The following FLVCR1 variants were observed in gnomAD, a reference collection of about 807,000 sequenced individuals.
The protein encoded by FLVCR1 is choline/ethanolamine transporter FLVCR1.
In FLVCR1, 34 loss-of-function variants were observed where a neutral mutation model predicts 53.6. The ratio of observed to expected loss-of-function variants is 0.63; its 90% CI spans 0.48 to 0.84. The LOEUF is 0.84. Among genes scored for constraint, FLVCR1 ranks in the 40% least tolerant of loss-of-function variants. FLVCR1 has a pLI of 0.00. For synonymous variants in FLVCR1, 300 were observed against 286.3 expected (o/e 1.05, Z -0.48); for missense variants, 677 against 696.7 (o/e 0.97, Z 0.32).
At chr1:212,891,813 G>C (rs971456416) in intron 8 of FLVCR1, among the ~76,000 whole-genome samples, 1 of 152,210 alleles carries the variant, frequency 6.6e-6, no homozygotes, top group Admixed American at 6.5e-5. Context: ...CCAAAAGCTA[G>C]TCCTTTTGCA....
chr1:212,890,479 A>G (rs1665164039), intron 8 of FLVCR1, among the ~76,000 whole-genome samples: 2 of 152,218 alleles, frequency 1.3e-5, no homozygotes, highest in Non-Finnish European at 2.9e-5. Context: ...AAAATTGCAA[A>G]AAATCTCATA....
At chr1:212,873,481 G>A (rs981638303) in intron 3 of FLVCR1, among the ~76,000 whole-genome samples, 1 of 152,194 alleles carries the variant, frequency 6.6e-6, no homozygotes, top group Non-Finnish European at 1.5e-5. Context: ...GTGCAAGCTG[G>A]CATCTGTTTT....
chr1:212,860,768 C>CT (rs1272392795), intron 1 of FLVCR1, among the ~76,000 whole-genome samples: 1 of 152,154 alleles, frequency 6.6e-6, no homozygotes, highest in Non-Finnish European at 1.5e-5. Context: ...ATTTATTACT[C>CT]TCCATAAAAC....
Position 212,858,291 on chromosome 1 carries a change from A to C in FLVCR1, c.-162A>C. ...CGGGGGAGGAGACCTTCATCTGTTC[A>C]CGCGGTAGCGCGGATTGCGGTTCGC... On this transcript the variant is annotated 5_prime_UTR_variant, in exon 1 of 10. Transcript: ENST00000366971. The C allele has an allele frequency of 2.9e-6, 2 of 697,730 alleles. No homozygotes were observed. Among genetic ancestry groups the C allele is most frequent in the South Asian group, 2.2e-5 (1 of 44,796 alleles). The allele number at this position is 697,730 out of a possible 1,614,324, so 43.2% of individuals were successfully genotyped here. A position where few individuals can be genotyped will look rare whatever the true frequency, so the allele number is the denominator to read the frequency against.
In FLVCR1 at chr1:212,896,831, A is replaced by G. The variant is rs546109631; in HGVS notation, c.*1541A>G. The G allele has an allele frequency of 7.6e-6, 1 of 130,916 alleles. No individual in the cohort carries two copies. Among genetic ancestry groups the G allele is most frequent in the South Asian group, 2.6e-4 (1 of 3,816 alleles). The allele number at this position is 130,916 out of a possible 1,614,324, so 8.1% of individuals were successfully genotyped here. On this transcript the variant is annotated 3_prime_UTR_variant, in exon 10 of 10. Coordinates refer to ENST00000366971, the MANE Select transcript of FLVCR1 (RefSeq NM_014053.4). Reference sequence around the variant, plus strand: ...TCAGGAGTTCAAGACCAGCCTGGCCAACATGGTAAAACCCCATCTCTACTA... The same window carrying G: ...TCAGGAGTTCAAGACCAGCCTGGCCGACATGGTAAAACCCCATCTCTACTA...
At chr1:212,868,392 C>G (rs573068525) in intron 2 of FLVCR1, among the ~76,000 whole-genome samples, 1 of 152,044 alleles carries the variant, frequency 6.6e-6, no homozygotes, top group African/African-American at 2.4e-5. Flanking sequence ...ATTCTTAATT[C>G]AAGATATCTA....
rs1236110309 is a variant in FLVCR1 at position 212,889,131 on chromosome 1, C to A, written c.1414-15C>A. The A allele has an allele frequency of 1.3e-6, 2 of 1,502,794 alleles. No individual in the cohort carries two copies. Among genetic ancestry groups the A allele is most frequent in the Non-Finnish European group, 1.9e-6 (2 of 1,079,446 alleles). 93.1% of individuals were successfully genotyped at this position (1,502,794 alleles called of 1,614,324 possible). On this transcript the variant is annotated splice_polypyrimidine_tract_variant and intron_variant, in intron 7 of 9. Transcript: ENST00000366971. ...TTTAACTTAATAACGAATGATTTTT[C>A]TTATTGTATTTTAGATATTTGGAAT...
intron 5 of FLVCR1, chr1:212,885,603 T>G (rs1376822682): frequency 6.4e-6 from 3 of 467,148 alleles, no homozygotes; most frequent in African/African-American, 4.3e-5. Flanking sequence ...CAGGCTAGAG[T>G]GCAGTGGCGC....
intron 3 of FLVCR1, among the ~76,000 whole-genome samples, chr1:212,874,916 T>TACACACACACACAC (rs57061343): frequency 0.022 from 3,253 of 149,440 alleles, 69 homozygotes; most frequent in African/African-American, 0.051. Context: ...GTCACAGACG[T>TACACACACACACAC]ACACACACAC....
rs910570855 is a variant in FLVCR1, at chr1:212,898,564, T to G, written c.*3274T>G. ...TATATGTTATGTTTATTTTTCCTTG[T>G]TGATTAGAAAGGTGATGGAATATGT... On this transcript the variant is annotated 3_prime_UTR_variant, in exon 10 of 10. Transcript: ENST00000366971. The G allele has an allele frequency of 6.6e-6, 1 of 152,242 alleles. No homozygotes were observed. The highest frequency in any genetic ancestry group is 1.5e-5 in the Non-Finnish European group (1 of 68,050). 9.4% of individuals were successfully genotyped at this position (152,242 alleles called of 1,614,324 possible).
chr1:212,881,766 G>T (rs1387346545), intron 3 of FLVCR1, among the ~76,000 whole-genome samples: 1 of 152,150 alleles, frequency 6.6e-6, no homozygotes, highest in Non-Finnish European at 1.5e-5. Flanking sequence ...AAAGGGAAAA[G>T]ACAGGACTTA....
intron 1 of FLVCR1, among the ~76,000 whole-genome samples, chr1:212,859,955 C>T (rs1476729364): frequency 6.6e-6 from 1 of 152,102 alleles, no homozygotes; most frequent in African/African-American, 2.4e-5. Context: ...CAGCACAGTT[C>T]CTGGCACATA....
intron 1 of FLVCR1, among the ~76,000 whole-genome samples, chr1:212,862,545 A>G (rs1382291732): frequency 2.0e-5 from 3 of 152,218 alleles, no homozygotes; most frequent in Non-Finnish European, 4.4e-5. Flanking sequence ...TCATTGTATG[A>G]ATATACCACA....
chr1:212,879,107 C>T (rs2102559093), intron 3 of FLVCR1, among the ~76,000 whole-genome samples: 1 of 152,252 alleles, frequency 6.6e-6, no homozygotes, highest in Middle Eastern at 3.4e-3. Flanking sequence ...CCAGTTAATC[C>T]TTACAGGACC....
chr1:212,879,757 A>G (rs1015859725), intron 3 of FLVCR1, among the ~76,000 whole-genome samples: 10 of 152,036 alleles, frequency 6.6e-5, no homozygotes, highest in African/African-American at 2.4e-4. Context: ...GGGTTTTGCC[A>G]TGTTGCCCAG....
In FLVCR1 at chr1:212,869,066, T is replaced by G. The variant is rs1269137648; in HGVS notation, c.884-3612T>G. Among the ~76,000 whole-genome samples, 3 of 152,158 alleles carry G rather than the reference T, an allele frequency of 2.0e-5. No homozygotes were observed. In the South Asian group the frequency reaches 6.2e-4, roughly 32 times the overall value. Reference sequence around the variant, plus strand: ...TCACACAGGGACAAATAACGAAATTTTAAAAATGTTAAAATACGGTTTTAA... The same window carrying G: ...TCACACAGGGACAAATAACGAAATTGTAAAAATGTTAAAATACGGTTTTAA... On this transcript the variant is annotated intron_variant, in intron 2 of 9. Transcript: ENST00000366971.
intron 8 of FLVCR1, among the ~76,000 whole-genome samples, chr1:212,891,938 T>C (rs1462552471): frequency 6.6e-6 from 1 of 152,152 alleles, no homozygotes; most frequent in Non-Finnish European, 1.5e-5. Flanking sequence ...AAAGTTTGAG[T>C]GGTCTTGTTA....
At chr1:212,873,527 C>T (rs1664666792) in intron 3 of FLVCR1, among the ~76,000 whole-genome samples, 1 of 152,180 alleles carries the variant, frequency 6.6e-6, no homozygotes, top group Non-Finnish European at 1.5e-5. Flanking sequence ...AAGGAACTCA[C>T]CTTAACCAGT....
At chr1:212,875,842 G>GAA (rs146533407) in intron 3 of FLVCR1, among the ~76,000 whole-genome samples, 32 of 137,998 alleles carry the variant, frequency 2.3e-4, no homozygotes, top group South Asian at 4.8e-4. Flanking sequence ...CTCCATCTGA[G>GAA]AAAAAAAAAA....
Sources: allele counts gnomAD v4.1 joint callset (sites outside exome capture counted in the v4.1 genomes callset), GRCh38; gene constraint gnomAD v4.1.1; transcripts MANE v1.5; gene names NCBI Gene and HGNC (gene_info 2026-07-23, HGNC 2026-07-21).